The following FSTL4 variants were observed in gnomAD, a reference collection of about 807,000 sequenced individuals.
FSTL4 encodes follistatin like 4.
Under a neutral mutation model 78.2 loss-of-function variants are expected in FSTL4, and 28 were observed. The ratio of observed to expected loss-of-function variants is 0.36; its 90% CI spans 0.27 to 0.49. The LOEUF is 0.49. Among genes scored for constraint, FSTL4 ranks in the 20% least tolerant of loss-of-function variants. The pLI, the probability that FSTL4 is intolerant of heterozygous loss-of-function variation, is 0.98. For synonymous variants in FSTL4, 422 were observed against 440.5 expected (o/e 0.96, Z 0.53); for missense variants, 922 against 1,084.9 (o/e 0.85, Z 2.11).
At chr5:133,274,175 T>G (rs771812134) in intron 6 of FSTL4, among the ~76,000 whole-genome samples, 4 of 152,084 alleles carry the variant, frequency 2.6e-5, no homozygotes, top group Non-Finnish European at 4.4e-5. Flanking sequence ...AATACTTGAG[T>G]CTGGTGACAG....
chr5:133,655,534 T>C, the FSTL4 span, among the ~76,000 whole-genome samples: 1 of 152,196 alleles, frequency 6.6e-6, no homozygotes, highest in Non-Finnish European at 1.5e-5. Context: ...ACTAAACAAA[T>C]GTCTCTTGAG....
At chr5:133,687,782 G>A in the FSTL4 span, among the ~76,000 whole-genome samples, 1 of 152,200 alleles carries the variant, frequency 6.6e-6, no homozygotes. Context: ...AAATAAGAGA[G>A]ACGTCTATTT....
chr5:133,594,281 C>T (rs1181215518), intron 2 of FSTL4, among the ~76,000 whole-genome samples: 1 of 152,208 alleles, frequency 6.6e-6, no homozygotes, highest in Non-Finnish European at 1.5e-5. Flanking sequence ...ACCTCCGCCT[C>T]CTGGGTTTAA....
Position 133,517,479 on chromosome 5 carries a change from C to CA in FSTL4, c.160+49706_160+49707insT, listed in dbSNP as rs757109238. ...ATATATATATGCACACACACACACA[C>CA]CACACACACACACACACACACACAC... On this transcript the variant is annotated intron_variant, in intron 3 of 15. Coordinates refer to ENST00000265342, the MANE Select transcript of FSTL4 (RefSeq NM_015082.2). Among the ~76,000 whole-genome samples, 15 of 55,550 alleles carry CA rather than the reference C, an allele frequency of 2.7e-4. 2 individuals carry two copies. Among genetic ancestry groups the CA allele is most frequent in the African/African-American group, 1.2e-3 (15 of 12,538 alleles). 36.4% of individuals were successfully genotyped at this position (55,550 alleles called of 152,430 possible).
intron 3 of FSTL4, among the ~76,000 whole-genome samples, chr5:133,434,958 T>C (rs746108076): frequency 1.3e-5 from 2 of 152,126 alleles, no homozygotes; most frequent in African/African-American, 2.4e-5. Context: ...TTCACAAACT[T>C]TTCTATGTGG....
At chr5:133,689,569 A>G in the FSTL4 span, among the ~76,000 whole-genome samples, 2 of 152,224 alleles carry the variant, frequency 1.3e-5, no homozygotes, top group African/African-American at 4.8e-5. Context: ...AGGGATGGGA[A>G]GATCTCCTGC....
intron 6 of FSTL4, among the ~76,000 whole-genome samples, chr5:133,298,547 A>G (rs989208856): frequency 6.6e-6 from 1 of 152,246 alleles, no homozygotes; most frequent in African/African-American, 2.4e-5. Flanking sequence ...CATAAGAGCA[A>G]ATATTCACCT....
At chr5:133,535,494 C>T (rs915464866) in intron 3 of FSTL4, among the ~76,000 whole-genome samples, 8 of 152,220 alleles carry the variant, frequency 5.3e-5, no homozygotes, top group South Asian at 4.1e-4. Flanking sequence ...TAATTCTGCC[C>T]GTCCCTTCGT....
the FSTL4 span, among the ~76,000 whole-genome samples, chr5:133,761,025 C>T: frequency 6.6e-6 from 1 of 152,192 alleles, no homozygotes; most frequent in African/African-American, 2.4e-5. Context: ...TAGAGCTAAG[C>T]CGTAATTGAT....
chr5:133,201,897 G>A (rs200129404), intron 15 of FSTL4, 36 bp downstream of exon 15: 708 of 1,215,160 alleles, frequency 5.8e-4, no homozygotes, highest in Admixed American at 1.1e-3. Context: ...GAGCTGGAGC[G>A]GGGAGTGCCT....
At chr5:133,314,136 C>T (rs1753848327) in intron 5 of FSTL4, among the ~76,000 whole-genome samples, 2 of 152,178 alleles carry the variant, frequency 1.3e-5, no homozygotes, top group East Asian at 1.9e-4. Flanking sequence ...CAAGCTGATG[C>T]CACCTGCCCT....
chr5:133,282,967 T>G (rs1007519935), intron 6 of FSTL4, among the ~76,000 whole-genome samples: 1 of 152,196 alleles, frequency 6.6e-6, no homozygotes, highest in Non-Finnish European at 1.5e-5. Context: ...TTAACACTTG[T>G]TAAGTTCTGA....
At chr5:133,796,600 C>G in the FSTL4 span, among the ~76,000 whole-genome samples, 8 of 152,044 alleles carry the variant, frequency 5.3e-5, no homozygotes, top group Non-Finnish European at 7.4e-5. Context: ...CCGACCACCC[C>G]CAACCAAACT....
chr5:133,798,161 T>C, the FSTL4 span, among the ~76,000 whole-genome samples: 3 of 152,234 alleles, frequency 2.0e-5, no homozygotes, highest in Non-Finnish European at 1.5e-5. Context: ...GCTCAGCATA[T>C]TTGCTTTTTC....
At chr5:133,537,785 T>TA (rs1279830873) in intron 3 of FSTL4, among the ~76,000 whole-genome samples, 5 of 148,508 alleles carry the variant, frequency 3.4e-5, no homozygotes, top group African/African-American at 1.0e-4. Flanking sequence ...CTCTCTCACA[T>TA]ATATATATAT....
chr5:133,323,288 T>A (rs78579095), intron 4 of FSTL4, among the ~76,000 whole-genome samples: 9,412 of 152,206 alleles, frequency 0.062, 440 homozygotes, highest in African/African-American at 0.13. Flanking sequence ...ATGGGGATAA[T>A]AATAGCTTCT....
intron 4 of FSTL4, among the ~76,000 whole-genome samples, chr5:133,375,702 G>C (rs918217154): frequency 6.6e-6 from 1 of 152,162 alleles, no homozygotes; most frequent in African/African-American, 2.4e-5. Flanking sequence ...TGATCCATTA[G>C]AGGCAACTAC....
chr5:133,333,319 C>G (rs909757580), intron 4 of FSTL4, among the ~76,000 whole-genome samples: 3 of 152,210 alleles, frequency 2.0e-5, no homozygotes, highest in Non-Finnish European at 4.4e-5. Context: ...CGGGCAATGG[C>G]GATGCAGCCA....
At chr5:133,328,841 G>T (rs2126905640) in intron 4 of FSTL4, among the ~76,000 whole-genome samples, 1 of 152,302 alleles carries the variant, frequency 6.6e-6, no homozygotes, top group East Asian at 1.9e-4. Flanking sequence ...TTGTTTCCAA[G>T]ACTTCCTTGG....
Sources: allele counts gnomAD v4.1 joint callset (sites outside exome capture counted in the v4.1 genomes callset), GRCh38; gene constraint gnomAD v4.1.1; transcripts MANE v1.5; gene names NCBI Gene and HGNC (gene_info 2026-07-23, HGNC 2026-07-21).